Variants in STK4 observed in about 807,000 individuals in gnomAD.
STK4 encodes the protein serine/threonine kinase 4.
Under a neutral mutation model 64.9 loss-of-function variants are expected in STK4, and 30 were observed. That is an observed-to-expected ratio of 0.46 (90% confidence interval 0.35 to 0.63). The LOEUF (loss-of-function observed/expected upper bound fraction) is 0.63, where lower values mean the gene tolerates loss of function less well. Ranked by LOEUF, STK4 falls within the 20% of genes least tolerant of loss-of-function variation. The pLI is 0.01. For synonymous variants in STK4, 177 were observed against 199.0 expected, an observed-to-expected ratio of 0.89 and a Z score of 0.93; for missense variants, 466 against 598.5, an observed-to-expected ratio of 0.78 and a Z score of 2.31.
chr20:45,069,811 A>C (rs755751264), intron 10 of STK4, among the ~76,000 whole-genome samples: 77 of 152,388 alleles, frequency 5.1e-4, no homozygotes, highest in Admixed American at 9.8e-4. Context: ...CATAGTAAAC[A>C]AGACAAGGTC....
chr20:44,973,191 TTA>T (rs1401457309), intron 2 of STK4: 4 of 152,370 alleles, frequency 2.6e-5, no homozygotes, highest in African/African-American at 9.6e-5. Context: ...TTAGTATTTT[TTA>T]TGTTAGGAGA....
chr20:44,986,239 A>T (rs1898598035), intron 4 of STK4, among the ~76,000 whole-genome samples: 1 of 152,224 alleles, frequency 6.6e-6, no homozygotes, highest in Admixed American at 6.5e-5. Flanking sequence ...GGAATAGAGT[A>T]TGAGCTAGAA....
chr20:45,004,094 C>G (rs1601245085), intron 9 of STK4, among the ~76,000 whole-genome samples: 1 of 150,450 alleles, frequency 6.6e-6, no homozygotes, highest in African/African-American at 2.4e-5. Flanking sequence ...TTGATCACAA[C>G]CAGTTTTTTC....
At chr20:45,058,289 T>C (rs1324356482) in intron 10 of STK4, among the ~76,000 whole-genome samples, 1 of 152,152 alleles carries the variant, frequency 6.6e-6, no homozygotes, top group Non-Finnish European at 1.5e-5. Context: ...ATCTCACCCT[T>C]CATTACATGG....
intron 1 of STK4, among the ~76,000 whole-genome samples, chr20:44,966,814 G>T (rs1272645799): frequency 6.6e-6 from 1 of 152,172 alleles, no homozygotes; most frequent in Non-Finnish European, 1.5e-5. Context: ...CGGTTAGAGG[G>T]AGCACTCGCT....
At chr20:45,062,989 C>CTTTTTTTTTTTTTTTTTTTTTT (rs71197599) in intron 10 of STK4, among the ~76,000 whole-genome samples, 5 of 31,502 alleles carry the variant, frequency 1.6e-4, no homozygotes, top group Non-Finnish European at 2.3e-4. Flanking sequence ...CGCACCCGGC[C>CTTTTTTTTTTTTTTTTTTTTTT]TTTTTTTTTT....
At position 45,075,011 on chromosome 20, in the gene STK4, C is replaced by T; in HGVS notation, c.1306-7C>T. 6.2e-7 allele frequency: 1 copy of T among 1,614,142 alleles called. No individual in the cohort carries two copies. The highest frequency in any genetic ancestry group is 8.5e-7 in the Non-Finnish European group (1 of 1,180,010). On this transcript the variant is annotated splice_polypyrimidine_tract_variant and splice_region_variant and intron_variant, in intron 10 of 10. Transcript: ENST00000372806. ...TGTCGTGACTATACCTTCCACTTCT[C>T]TTCTAGCTTAAGAGTTGGACAGTGG...
chr20:44,997,144 T>A, intron 6 of STK4, 25 bp from the exon 7 acceptor site: 1 of 1,598,768 alleles, frequency 6.3e-7, no homozygotes, highest in East Asian at 2.3e-5. Flanking sequence ...CCAGATCTTT[T>A]TGTTTGTTTG....
chr20:45,061,212 A>G (rs1055304582), intron 10 of STK4, among the ~76,000 whole-genome samples: 3 of 152,250 alleles, frequency 2.0e-5, no homozygotes, highest in African/African-American at 7.2e-5. Context: ...TAGAGTTGGA[A>G]TAAATTCTAA....
chr20:45,072,586 T>A (rs1980161796), intron 10 of STK4, among the ~76,000 whole-genome samples: 2 of 152,236 alleles, frequency 1.3e-5, no homozygotes, highest in Non-Finnish European at 2.9e-5. Flanking sequence ...AAGTAGCCTA[T>A]GTGCCTCGAA....
intron 1 of STK4, among the ~76,000 whole-genome samples, chr20:44,969,059 C>T (rs1306274211): frequency 6.6e-6 from 1 of 152,102 alleles, no homozygotes; most frequent in Non-Finnish European, 1.5e-5. Flanking sequence ...CTGTCAGTGT[C>T]CTAATCTCCT....
At chr20:45,041,614 ATTGT>A (rs2068615157) in intron 10 of STK4, among the ~76,000 whole-genome samples, 1 of 151,368 alleles carries the variant, frequency 6.6e-6, no homozygotes, top group South Asian at 2.1e-4. Context: ...ATTTTTTATG[ATTGT>A]TTTGGTTTTT....
chr20:44,992,612 T>C (rs1439671035), intron 5 of STK4, among the ~76,000 whole-genome samples: 2 of 152,076 alleles, frequency 1.3e-5, no homozygotes, highest in African/African-American at 4.8e-5. Context: ...GCTCAAGTGA[T>C]CCTCCCACCT....
chr20:45,058,844 G>T (rs770058980), intron 10 of STK4, among the ~76,000 whole-genome samples: 3 of 152,134 alleles, frequency 2.0e-5, no homozygotes, highest in Non-Finnish European at 4.4e-5. Flanking sequence ...CCTCCCTTTA[G>T]TGCTTTCAAA....
rs1333761225 is a variant in STK4 at position 45,077,712 on chromosome 20, T to C, written c.*2536T>C. On this transcript the variant is annotated 3_prime_UTR_variant, in exon 11 of 11. Coordinates refer to ENST00000372806, the MANE Select transcript of STK4 (RefSeq NM_006282.5). ...TCTCTTTCTTTTTTAAACAAAGAAC[T>C]TTGCACTTGGCCAGAGAGGAGGAGA... 6.6e-6 allele frequency: 1 copy of C among 152,176 alleles called. No homozygotes were observed. Among genetic ancestry groups the C allele is most frequent in the African/African-American group, 2.4e-5 (1 of 41,438 alleles). The allele number at this position is 152,176 out of a possible 1,614,324, so 9.4% of individuals were successfully genotyped here.
chr20:45,035,197 G>A (rs1465329899), intron 10 of STK4, among the ~76,000 whole-genome samples: 1 of 151,898 alleles, frequency 6.6e-6, no homozygotes. Flanking sequence ...AAAAAGACAG[G>A]ATCTAAAAAT....
At chr20:45,065,684 G>A (rs1979506100) in intron 10 of STK4, among the ~76,000 whole-genome samples, 1 of 152,022 alleles carries the variant, frequency 6.6e-6, no homozygotes, top group Admixed American at 6.6e-5. Flanking sequence ...GGAATTTTTT[G>A]TATTTCTGTG....
intron 10 of STK4, among the ~76,000 whole-genome samples, chr20:45,052,280 C>A (rs941092435): frequency 6.6e-6 from 1 of 152,012 alleles, no homozygotes; most frequent in Admixed American, 6.6e-5. Context: ...CTCTTCCACC[C>A]CCCCCAGCAA....
intron 5 of STK4, among the ~76,000 whole-genome samples, chr20:44,992,055 A>G (rs141253809): frequency 1.3e-5 from 2 of 152,152 alleles, no homozygotes; most frequent in African/African-American, 4.8e-5. Context: ...ATATGCTGAA[A>G]TATCTTCTAG....
Sources: gnomAD v4.1 joint callset for allele counts (sites outside exome capture counted in the v4.1 genomes callset) on GRCh38, gnomAD v4.1.1 for gene constraint, MANE v1.5 for transcripts, NCBI Gene and HGNC (gene_info 2026-07-23, HGNC 2026-07-21) for gene names.